ARHGAP20: variants seen among roughly 807,000 people sequenced by gnomAD.
ARHGAP20 encodes Rho GTPase activating protein 20.
In ARHGAP20, 34 loss-of-function variants were observed where a neutral mutation model predicts 73.7. The ratio of observed to expected loss-of-function variants is 0.46; its 90% CI spans 0.35 to 0.61. The LOEUF is 0.61. ARHGAP20 is among the 20% of genes least tolerant of loss of function. The probability of loss-of-function intolerance (pLI) is 0.00; values close to 1 mark genes in which losing one functional copy is unlikely to be tolerated. For synonymous variants in ARHGAP20, 523 were observed against 518.2 expected (o/e 1.01, Z -0.13); for missense variants, 1,314 against 1,420.9 (o/e 0.92, Z 1.21).
intron 2 of ARHGAP20, among the ~76,000 whole-genome samples, chr11:110,642,697 T>C (rs1254864291): frequency 6.6e-6 from 1 of 152,154 alleles, no homozygotes; most frequent in Non-Finnish European, 1.5e-5. Flanking sequence ...TAGTATTTTG[T>C]CGAGGATTTT....
chr11:110,628,365 G>A (rs767924261), intron 3 of ARHGAP20, among the ~76,000 whole-genome samples: 1 of 151,974 alleles, frequency 6.6e-6, no homozygotes, highest in Non-Finnish European at 1.5e-5. Flanking sequence ...GGAATTACAG[G>A]GACTATTTGC....
At chr11:110,633,757 A>T (rs1325528764) in intron 2 of ARHGAP20, among the ~76,000 whole-genome samples, 1 of 152,202 alleles carries the variant, frequency 6.6e-6, no homozygotes, top group Non-Finnish European at 1.5e-5. Context: ...CAAAGGAGGG[A>T]AAGCCTATTG....
rs551365621 is a variant in ARHGAP20, at chr11:110,582,263, G to A, written c.1720+58C>T. 37 of 1,402,666 alleles carry A rather than the reference G, an allele frequency of 2.6e-5. No individual in the cohort carries two copies. In the South Asian group the frequency reaches 3.8e-4, roughly 14 times the overall value. The allele number at this position is 1,402,666 out of a possible 1,614,324, so 86.9% of individuals were successfully genotyped here. On this transcript the variant is annotated intron_variant, in intron 14 of 14. Transcript: ENST00000683387. ...TCCAGGAAAACCCCTATCCCAGCACGTTTACAAACAACCATGTGTCTGTTT... is the reference window on the plus strand; with the variant it reads ...TCCAGGAAAACCCCTATCCCAGCACATTTACAAACAACCATGTGTCTGTTT...
chr11:110,585,086 TATATGTGA>T (rs959704774), intron 12 of ARHGAP20, among the ~76,000 whole-genome samples: 6 of 150,192 alleles, frequency 4.0e-5, no homozygotes, highest in Non-Finnish European at 7.4e-5. Flanking sequence ...AATACATGAA[TATATGTGA>T]ATATATGAAT....
intron 2 of ARHGAP20, among the ~76,000 whole-genome samples, chr11:110,661,297 CAT>C (rs935031417): frequency 2.8e-4 from 42 of 152,008 alleles, no homozygotes; most frequent in African/African-American, 9.6e-4. Context: ...TTATCTGAAA[CAT>C]AGAGGGGAAA....
At chr11:110,697,709 G>A (rs1950363937) in intron 1 of ARHGAP20, among the ~76,000 whole-genome samples, 1 of 151,646 alleles carries the variant, frequency 6.6e-6, no homozygotes, top group South Asian at 2.1e-4. Flanking sequence ...ATTTTTGTTG[G>A]CTTTGTTGAA....
At chr11:110,595,745 T>C (rs970315624) in intron 9 of ARHGAP20, among the ~76,000 whole-genome samples, 9 of 152,264 alleles carry the variant, frequency 5.9e-5, no homozygotes, top group African/African-American at 1.9e-4. Context: ...TTCAATGCCA[T>C]TCCCATCAAG....
chr11:110,696,784 T>A (rs1444705700), intron 1 of ARHGAP20, among the ~76,000 whole-genome samples: 2 of 151,698 alleles, frequency 1.3e-5, no homozygotes, highest in East Asian at 3.9e-4. Context: ...TCCATTTGTA[T>A]CCATTGTTAG....
intron 2 of ARHGAP20, among the ~76,000 whole-genome samples, chr11:110,671,480 C>G (rs1346274622): frequency 6.6e-6 from 1 of 151,952 alleles, no homozygotes; most frequent in African/African-American, 2.4e-5. Context: ...TTCGACAATA[C>G]AGTAGAAGTT....
chr11:110,711,299 C>T (rs1219229825), intron 1 of ARHGAP20, among the ~76,000 whole-genome samples: 2 of 152,106 alleles, frequency 1.3e-5, no homozygotes, highest in African/African-American at 4.8e-5. Flanking sequence ...GCTGCCCCCA[C>T]GCCCACACCG....
intron 4 of ARHGAP20, among the ~76,000 whole-genome samples, chr11:110,621,026 A>G (rs1341068228): frequency 7.3e-6 from 1 of 137,348 alleles, no homozygotes; most frequent in Admixed American, 8.2e-5. Context: ...GTGAGCCGAG[A>G]TCATGCTATT....
In ARHGAP20 at chr11:110,578,187, G is replaced by A. The variant is rs1465134851; in HGVS notation, c.*1183C>T. 2.1e-5 allele frequency: 21 copies of A among 985,324 alleles called. No homozygotes were observed. Among genetic ancestry groups the A allele is most frequent in the Non-Finnish European group, 2.5e-5 (21 of 829,948 alleles). The allele number at this position is 985,324 out of a possible 1,614,324, so 61.0% of individuals were successfully genotyped here. ...CATGGATATAAAATAAACCAATGGG[G>A]TATAAGCCATGAAACATTTGGGGCA... On this transcript the variant is annotated 3_prime_UTR_variant, in exon 15 of 15. Coordinates refer to ENST00000683387, the MANE Select transcript of ARHGAP20 (RefSeq NM_001384657.1).
At position 110,611,356 on chromosome 11, in the gene ARHGAP20, T is replaced by C; in HGVS notation, c.661A>G (p.Thr221Ala). Residue 221 changes from threonine to alanine, a missense_variant, in exon 7 of 15, where the codon ACA (threonine) becomes GCA (alanine). Physicochemically the swap from Thr to Ala is moderately conservative, Grantham distance 58 (BLOSUM62 0). Around this residue, in one of 3 missense-constraint regions of ARHGAP20, gnomAD observed 443 missense variants for 466.4 expected, o/e 0.95. Coordinates refer to ENST00000683387, the MANE Select transcript of ARHGAP20 (RefSeq NM_001384657.1). ...GACATGTTGATAACTTCATTCGCTGTATCTGAATTCATTACTGTTATAGTT... is the reference window on the plus strand; with the variant it reads ...GACATGTTGATAACTTCATTCGCTGCATCTGAATTCATTACTGTTATAGTT... ...SKTITVMNSD[T>A]ANEVINMSLP... 6.4e-7 allele frequency: 1 copy of C among 1,565,012 alleles called. No homozygotes were observed. The highest frequency in any genetic ancestry group is 2.3e-5 in the East Asian group (1 of 42,716).
intron 2 of ARHGAP20, among the ~76,000 whole-genome samples, chr11:110,677,722 T>C (rs1461721720): frequency 2.0e-5 from 3 of 151,904 alleles, no homozygotes; most frequent in Admixed American, 6.6e-5. Context: ...ATAAAAAAGA[T>C]AGAAAATAAC....
chr11:110,657,900 AAAAG>A (rs1448674896), intron 2 of ARHGAP20, among the ~76,000 whole-genome samples: 4 of 145,548 alleles, frequency 2.7e-5, no homozygotes. Flanking sequence ...GACAAAAAAA[AAAAG>A]AAAGAAAAAG....
intron 2 of ARHGAP20, among the ~76,000 whole-genome samples, chr11:110,678,730 C>T (rs141413743): frequency 1.1e-4 from 17 of 152,260 alleles, no homozygotes; most frequent in South Asian, 6.2e-4. Flanking sequence ...GGCACAATCA[C>T]GGCTCACTGC....
intron 2 of ARHGAP20, among the ~76,000 whole-genome samples, chr11:110,645,149 A>G (rs889093052): frequency 6.6e-6 from 1 of 152,056 alleles, no homozygotes; most frequent in Non-Finnish European, 1.5e-5. Flanking sequence ...AGCTGGGATT[A>G]CAGGCATGAG....
chr11:110,658,392 C>T (rs1375912549), intron 2 of ARHGAP20, among the ~76,000 whole-genome samples: 2 of 152,054 alleles, frequency 1.3e-5, no homozygotes, highest in Non-Finnish European at 2.9e-5. Context: ...CATTTGTCTC[C>T]CTGTGGCTCG....
intron 9 of ARHGAP20, among the ~76,000 whole-genome samples, chr11:110,600,170 C>T (rs536605374): frequency 4.6e-5 from 7 of 152,336 alleles, no homozygotes; most frequent in African/African-American, 1.7e-4. Context: ...AGAGTGGTAA[C>T]ACAAACAGGG....
Sources: gnomAD v4.1 joint callset for allele counts (sites outside exome capture counted in the v4.1 genomes callset) on GRCh38, gnomAD v4.1.1 for gene constraint, gnomAD v4.1.1 regional missense constraint, MANE v1.5 for transcripts, NCBI Gene and HGNC (gene_info 2026-07-23, HGNC 2026-07-21) for gene names.